P2RX7: variants seen among roughly 807,000 people sequenced by gnomAD.
P2RX7 encodes the protein P2X purinoceptor 7.
A neutral mutation model predicts 71.6 loss-of-function variants in P2RX7; 62 were observed. The observed-to-expected ratio is 0.87, with a 90% confidence interval of 0.71 to 1.07. P2RX7 has a LOEUF of 1.07. P2RX7 is among the 50% of genes least tolerant of loss of function. The probability of loss-of-function intolerance (pLI) is 0.00; values close to 1 mark genes in which losing one functional copy is unlikely to be tolerated. For missense variants in P2RX7, 686 were observed against 748.5 expected, an observed-to-expected ratio of 0.92 and a Z score of 0.97; for synonymous variants, 299 against 283.3, an observed-to-expected ratio of 1.06 and a Z score of -0.56.
At chr12:121,159,383 C>T (rs1389121260) in intron 3 of P2RX7, among the ~76,000 whole-genome samples, 1 of 141,238 alleles carries the variant, frequency 7.1e-6, no homozygotes, top group Admixed American at 7.3e-5. Flanking sequence ...CACCATTGCA[C>T]TCTAGCCTGG....
rs142244492 is a variant in P2RX7 at position 121,184,746 on chromosome 12, C to G, written c.1732C>G (p.Arg578Gly). Residue 578 changes from arginine to glycine, a missense_variant, in exon 13 of 13, where the codon CGG becomes GGG. Transcript: ENST00000328963. The part of the protein sequence containing the change: ...ILPSCCRWRI[R>G]KEFPKSEGQY... ...GCCCAGCTGCTGCCGCTGGAGGATC[C>G]GGAAAGAGTTTCCGAAGAGTGAAGG... 114 of 1,555,594 alleles carry G rather than the reference C, an allele frequency of 7.3e-5. No individual in the cohort carries two copies. The highest frequency in any genetic ancestry group is 9.2e-5 in the Non-Finnish European group (106 of 1,149,194).
chr12:121,171,864 T>C (rs1224399011), intron 8 of P2RX7, among the ~76,000 whole-genome samples: 26 of 130,584 alleles, frequency 2.0e-4, no homozygotes, highest in African/African-American at 8.6e-4. Context: ...CTTTCTTTCT[T>C]TTTTTTTTTT....
chr12:121,134,767 C>G (rs1461513701), intron 1 of P2RX7, among the ~76,000 whole-genome samples: 5 of 151,460 alleles, frequency 3.3e-5, no homozygotes, highest in Non-Finnish European at 1.5e-5. Flanking sequence ...ATTTGAATTT[C>G]CCTGATGGTG....
chr12:121,150,982 C>T (rs1877270988), intron 1 of P2RX7, among the ~76,000 whole-genome samples: 1 of 152,214 alleles, frequency 6.6e-6, no homozygotes. Flanking sequence ...GTACCACCAT[C>T]CAACTTAAGA....
chr12:121,148,842 C>T (rs1404441486), intron 1 of P2RX7, among the ~76,000 whole-genome samples: 4 of 152,212 alleles, frequency 2.6e-5, no homozygotes, highest in Non-Finnish European at 5.9e-5. Flanking sequence ...AGAGGCTGCA[C>T]GCCAAGCTTC....
intron 1 of P2RX7, among the ~76,000 whole-genome samples, chr12:121,140,102 G>T (rs1265855188): frequency 6.6e-6 from 1 of 152,182 alleles, no homozygotes; most frequent in Non-Finnish European, 1.5e-5. Context: ...TTGACACCTG[G>T]GTGATGTGCT....
chr12:121,144,664 C>T (rs1170785224), intron 1 of P2RX7, among the ~76,000 whole-genome samples: 3 of 152,054 alleles, frequency 2.0e-5, no homozygotes, highest in Non-Finnish European at 4.4e-5. Context: ...CAGGGTGAGA[C>T]TGGAGGAAGG....
chr12:121,160,864 G>C, intron 3 of P2RX7, 38 bp from the exon 4 acceptor site: 1 of 1,469,492 alleles, frequency 6.8e-7, no homozygotes, highest in Non-Finnish European at 9.5e-7. Flanking sequence ...AGTAACACAC[G>C]TCACTTACTC....
At chr12:121,155,505 A>G in intron 2 of P2RX7, 1 of 863,348 alleles carries the variant, frequency 1.2e-6, no homozygotes, top group Non-Finnish European at 1.6e-6. Flanking sequence ...AAGAGAAATT[A>G]AAGTAGGGTT....
intron 4 of P2RX7, 104 bp downstream of exon 4, chr12:121,161,078 C>T: frequency 2.3e-6 from 2 of 859,496 alleles, no homozygotes; most frequent in Non-Finnish European, 4.0e-6. Context: ...TCTCAGCTGC[C>T]CTCTTCCACC....
intron 6 of P2RX7, 22 bp from the exon 7 acceptor site, chr12:121,166,036 G>A: frequency 6.2e-7 from 1 of 1,606,332 alleles, no homozygotes; most frequent in Non-Finnish European, 8.5e-7. Context: ...TTGTTTGTTT[G>A]TTTGCTTTTA....
At chr12:121,156,699 C>T (rs1158442984) in intron 3 of P2RX7, among the ~76,000 whole-genome samples, 1 of 152,176 alleles carries the variant, frequency 6.6e-6, no homozygotes, top group Non-Finnish European at 1.5e-5. Context: ...ACACAGCTCT[C>T]TTGCTCATTC....
At chr12:121,148,708 C>T (rs1229781928) in intron 1 of P2RX7, among the ~76,000 whole-genome samples, 1 of 152,200 alleles carries the variant, frequency 6.6e-6, no homozygotes, top group African/African-American at 2.4e-5. Flanking sequence ...GGTGCTGGCT[C>T]TCCCCCACTT....
At chr12:121,144,057 G>A (rs1409405676) in intron 1 of P2RX7, among the ~76,000 whole-genome samples, 1 of 152,098 alleles carries the variant, frequency 6.6e-6, no homozygotes, top group African/African-American at 2.4e-5. Context: ...ACTTCCTCCT[G>A]GTGGTTGCTC....
rs1467121245 is a variant in P2RX7 at position 121,185,544 on chromosome 12, T to C, written c.*742T>C. On this transcript the variant is annotated 3_prime_UTR_variant, in exon 13 of 13. Transcript: ENST00000328963. ...CCCTTTTCATCCTGGCTGGAGAATG[T>C]GGAGAACTAAAGGTGGCCACAAATT... is the stretch of plus-strand genomic sequence containing the variant. The C allele has an allele frequency of 6.6e-6, 1 of 152,648 alleles. No individual in the cohort carries two copies. The highest frequency in any genetic ancestry group is 1.5e-5 in the Non-Finnish European group (1 of 68,050). The allele number at this position is 152,648 out of a possible 1,614,324, so 9.5% of individuals were successfully genotyped here. A position where few individuals can be genotyped will look rare whatever the true frequency, so the allele number is the denominator to read the frequency against.
rs886845343 is a variant in P2RX7, at chr12:121,135,390, T to C, written c.125+2295T>C. ...TTGATTATATAATAGTATATATGTA[T>C]ATAAAATACATGTATGTATTTTTAT... On this transcript the variant is annotated intron_variant, in intron 1 of 12. Coordinates refer to ENST00000328963, the MANE Select transcript of P2RX7 (RefSeq NM_002562.6). Among the ~76,000 whole-genome samples the C allele has an allele frequency of 3.3e-5, 5 of 151,818 alleles. No individual in the cohort carries two copies. In the East Asian group the frequency reaches 9.6e-4, roughly 29 times the overall value.
chr12:121,175,394 C>T lies in P2RX7; in HGVS notation c.888C>T (p.Ala296=). ...GATCCTTTTCTTCCTACAGATACGCCAAGTACTACAAGGAAAACAATGTTG... is the reference window on the plus strand; with the variant it reads ...GATCCTTTTCTTCCTACAGATACGCTAAGTACTACAAGGAAAACAATGTTG... The part of the protein sequence containing the change: ...SLYPGYNFRY[A]KYYKENNVEK... The change falls in exon 9 of 13, where the codon GCC becomes GCT. Residue 296 remains alanine (A), a synonymous_variant. Transcript: ENST00000328963. The T allele has an allele frequency of 6.2e-7, 1 of 1,600,330 alleles. No homozygotes were observed. The highest frequency in any genetic ancestry group is 1.1e-5 in the South Asian group (1 of 90,724).
chr12:121,133,030 G>A lies in P2RX7; in HGVS notation c.60G>A (p.Arg20=). The change falls in exon 1 of 13, where the codon CGG becomes CGA. Residue 20 remains arginine (R), a synonymous_variant. Coordinates refer to ENST00000328963, the MANE Select transcript of P2RX7 (RefSeq NM_002562.6). Reference sequence around the variant, plus strand: ...AGTATGAGACGAACAAAGTCACTCGGATCCAGAGCATGAATTATGGCACCA... The same window carrying A: ...AGTATGAGACGAACAAAGTCACTCGAATCCAGAGCATGAATTATGGCACCA... ...VFQYETNKVT[R]IQSMNYGTIK... 1 of 1,614,132 alleles carries A rather than the reference G, an allele frequency of 6.2e-7. No homozygotes were observed. The highest frequency in any genetic ancestry group is 8.5e-7 in the Non-Finnish European group (1 of 1,180,010).
intron 8 of P2RX7, among the ~76,000 whole-genome samples, chr12:121,168,154 G>T (rs903941108): frequency 2.0e-5 from 3 of 151,954 alleles, no homozygotes; most frequent in African/African-American, 7.3e-5. Flanking sequence ...ATTCTGCGGG[G>T]TTTTTCATAC....
Sources: allele counts gnomAD v4.1 joint callset (sites outside exome capture counted in the v4.1 genomes callset), GRCh38; gene constraint gnomAD v4.1.1; transcripts MANE v1.5; gene names NCBI Gene and HGNC (gene_info 2026-07-23, HGNC 2026-07-21).